Variants in STAM2 observed in about 807,000 individuals in gnomAD.
STAM2 encodes the protein signal transducing adaptor molecule 2, also known as signal transducing adapter molecule 2.
In STAM2, 51 loss-of-function variants were observed where a neutral mutation model predicts 65.6. The observed-to-expected ratio is 0.78, with a 90% CI of 0.62 to 0.98. STAM2 has a LOEUF of 0.98. Among genes scored for constraint, STAM2 ranks in the 50% least tolerant of loss-of-function variants. STAM2 has a pLI of 0.00. For missense variants in STAM2, 584 were observed against 617.8 expected (o/e 0.95, Z 0.58); for synonymous variants, 198 against 208.4 (o/e 0.95, Z 0.43).
Position 152,144,870 on chromosome 2 carries a change from A to C in STAM2, c.517+18T>G, listed in dbSNP as rs760595279. ...GATATTTTAAGCAACACTAAATTAC[A>C]TGTGCTTGATCATTTACCTTTAGCT... On this transcript the variant is annotated intron_variant, in intron 6 of 13. Coordinates refer to ENST00000263904, the MANE Select transcript of STAM2 (RefSeq NM_005843.6). 4.3e-6 allele frequency: 7 copies of C among 1,609,222 alleles called. No individual in the cohort carries two copies. The highest frequency in any genetic ancestry group is 5.1e-6 in the Non-Finnish European group (6 of 1,175,764).
At chr2:152,171,147 A>C (rs1689891689) in intron 1 of STAM2, among the ~76,000 whole-genome samples, 1 of 152,226 alleles carries the variant, frequency 6.6e-6, no homozygotes, top group African/African-American at 2.4e-5. Flanking sequence ...TAGAGTGTTT[A>C]ACTCGGAGAA....
intron 13 of STAM2, among the ~76,000 whole-genome samples, chr2:152,122,455 T>C (rs1688873112): frequency 6.6e-6 from 1 of 152,152 alleles, no homozygotes; most frequent in South Asian, 2.1e-4. Context: ...TATGTAATTT[T>C]AAATTCCACC....
intron 7 of STAM2, among the ~76,000 whole-genome samples, chr2:152,137,602 T>C (rs11883824): frequency 0.03 from 4,568 of 152,260 alleles, 217 homozygotes; most frequent in African/African-American, 0.1. Flanking sequence ...TCTTTAACTG[T>C]ACAGTGGTTT....
At chr2:152,152,343 A>T (rs868769764) in intron 1 of STAM2, among the ~76,000 whole-genome samples, 23 of 152,122 alleles carry the variant, frequency 1.5e-4, no homozygotes, top group African/African-American at 5.3e-4. Context: ...AGGTCAGGAG[A>T]TCAAGACTAT....
chr2:152,118,718 TA>T lies in STAM2; in HGVS notation c.*1855del, dbSNP rs1688797926. 6.6e-6 allele frequency: 1 copy of T among 151,916 alleles called. No homozygotes were observed. The highest frequency in any genetic ancestry group is 1.5e-5 in the Non-Finnish European group (1 of 67,916). 9.4% of individuals were successfully genotyped at this position (151,916 alleles called of 1,614,324 possible). On this transcript the variant is annotated 3_prime_UTR_variant, in exon 14 of 14. Transcript: ENST00000263904. The stretch of plus-strand genomic sequence containing the variant: ...CTTTGGATTTTTTTTAAATGTTTTT[TA>T]AAAATTATTATTTTGTAAATAACAG...
intron 7 of STAM2, 59 bp downstream of exon 7, chr2:152,143,768 C>G: frequency 3.7e-6 from 5 of 1,350,850 alleles, no homozygotes; most frequent in Non-Finnish European, 5.1e-6. Context: ...ACTGAATACT[C>G]TGGATTCTAA....
intron 1 of STAM2, among the ~76,000 whole-genome samples, chr2:152,150,841 A>G (rs145060873): frequency 6.0e-4 from 91 of 152,224 alleles, no homozygotes; most frequent in African/African-American, 1.9e-3. Context: ...ACAAGTAAAT[A>G]TGCACTACAC....
intron 1 of STAM2, among the ~76,000 whole-genome samples, chr2:152,164,891 T>C (rs1689748800): frequency 6.6e-6 from 1 of 152,114 alleles, no homozygotes; most frequent in Non-Finnish European, 1.5e-5. Context: ...AAGGCAAAAA[T>C]CCTGGGGCCA....
chr2:152,175,508 C>T (rs1333186834), intron 1 of STAM2, 95 bp downstream of exon 1: 13 of 1,522,860 alleles, frequency 8.5e-6, no homozygotes, highest in Non-Finnish European at 1.2e-5. Flanking sequence ...GCTTTGCTTC[C>T]TAGTCCCCGG....
chr2:152,121,825 A>G (rs1268988471), intron 13 of STAM2, among the ~76,000 whole-genome samples: 1 of 151,958 alleles, frequency 6.6e-6, no homozygotes, highest in Non-Finnish European at 1.5e-5. Flanking sequence ...AGGGCGGATC[A>G]CGAGGTCAGG....
Position 152,143,924 on chromosome 2 carries a change from C to T in STAM2, c.607G>A (p.Val203Ile), listed in dbSNP as rs760827264. The T allele has an allele frequency of 1.3e-5, 21 of 1,613,764 alleles. No homozygotes were observed. Among genetic ancestry groups the T allele is most frequent in the Non-Finnish European group, 1.7e-5 (20 of 1,179,866 alleles). The change falls in exon 7 of 14, where the codon GTT becomes ATT. Residue 203 changes from valine to isoleucine, a missense_variant. By Grantham distance (29) the Val-to-Ile change is conservative. Transcript: ENST00000263904. ...PSSEIQLNNK[V>I]ARKVRALYDF... is the part of the protein sequence containing the mutation. ...TATAAAGCTCTCACTTTCCGTGCAACCTTATTATTTAACTGAATTTCTGAA... is the reference window on the plus strand; with the variant it reads ...TATAAAGCTCTCACTTTCCGTGCAATCTTATTATTTAACTGAATTTCTGAA...
chr2:152,125,336 TC>T (rs1688945381), intron 12 of STAM2, among the ~76,000 whole-genome samples: 1 of 152,224 alleles, frequency 6.6e-6, no homozygotes, highest in Non-Finnish European at 1.5e-5. Flanking sequence ...TAGTGACTAT[TC>T]TTTTTTTACT....
chr2:152,171,634 C>T (rs1227847663), intron 1 of STAM2, among the ~76,000 whole-genome samples: 1 of 152,214 alleles, frequency 6.6e-6, no homozygotes, highest in African/African-American at 2.4e-5. Flanking sequence ...TCAACTTCTT[C>T]TAACACAGCA....
At chr2:152,157,745 T>C (rs190221582) in intron 1 of STAM2, among the ~76,000 whole-genome samples, 1 of 152,334 alleles carries the variant, frequency 6.6e-6, no homozygotes, top group Admixed American at 6.5e-5. Context: ...ATGCATTTAG[T>C]TGAAAATCCA....
At chr2:152,132,308 A>G (rs1029035602) in intron 10 of STAM2, 140 bp from the exon 11 acceptor site, 2 of 565,754 alleles carry the variant, frequency 3.5e-6, no homozygotes, top group Non-Finnish European at 6.1e-6. Flanking sequence ...AAAGACTACT[A>G]TTCAGCACTA....
chr2:152,152,212 A>T (rs1689459485), intron 1 of STAM2, among the ~76,000 whole-genome samples: 1 of 151,988 alleles, frequency 6.6e-6, no homozygotes, highest in Non-Finnish European at 1.5e-5. Context: ...AAGTGCTGAG[A>T]TTACTAGTTT....
chr2:152,146,957 T>C (rs150497173), intron 5 of STAM2, among the ~76,000 whole-genome samples: 304 of 152,346 alleles, frequency 2.0e-3, no homozygotes, highest in African/African-American at 7.1e-3. Flanking sequence ...TATGTCTGAT[T>C]AACTTCACAA....
chr2:152,132,134 T>C lies in STAM2; in HGVS notation c.1005A>G (p.Glu335=), dbSNP rs1368088624. The C allele has an allele frequency of 6.2e-7, 1 of 1,612,172 alleles. No homozygotes were observed. The highest frequency in any genetic ancestry group is 1.7e-5 in the Admixed American group (1 of 59,978). Residue 335 remains glutamate (E), a synonymous_variant, in exon 11 of 14, where the codon GAA becomes GAG. Transcript: ENST00000263904. ...CTCACCTATCAATTTCTTCAAGTTT[T>C]TCATCTATCATTGGACCCATCTGTT... is the stretch of plus-strand genomic sequence containing the variant. ...ICQQMGPMID[E]KLEEIDRKHS...
chr2:152,168,070 C>G (rs1434515584), intron 1 of STAM2, among the ~76,000 whole-genome samples: 2 of 152,084 alleles, frequency 1.3e-5, no homozygotes, highest in African/African-American at 4.8e-5. Flanking sequence ...CCTTAAGTTT[C>G]ATTTTGATAC....
Sources: gnomAD v4.1 joint callset for allele counts (sites outside exome capture counted in the v4.1 genomes callset) on GRCh38, gnomAD v4.1.1 for gene constraint, MANE v1.5 for transcripts, NCBI Gene and HGNC (gene_info 2026-07-23, HGNC 2026-07-21) for gene names.